The following ACSM3 variants were observed in gnomAD, a reference collection of about 807,000 sequenced individuals.
The protein encoded by ACSM3 is acyl-coenzyme A synthetase ACSM3, mitochondrial.
A neutral mutation model predicts 74.1 loss-of-function variants in ACSM3; 61 were observed. That is an observed-to-expected ratio of 0.82 (90% confidence interval 0.67 to 1.02). The LOEUF (loss-of-function observed/expected upper bound fraction) is 1.02, where lower values mean the gene tolerates loss of function less well. ACSM3 is among the 50% of genes least tolerant of loss of function. ACSM3 has a pLI of 0.00. For synonymous variants in ACSM3, 213 were observed against 241.5 expected (o/e 0.88, Z 1.09); for missense variants, 660 against 697.0 (o/e 0.95, Z 0.60).
intron 1 of ACSM3, among the ~76,000 whole-genome samples, chr16:20,719,863 T>G (rs1271828378): frequency 6.6e-6 from 1 of 152,216 alleles, no homozygotes; most frequent in African/African-American, 2.4e-5. Context: ...CTTCTGGAAA[T>G]CAGACATGCA....
intron 7 of ACSM3, among the ~76,000 whole-genome samples, chr16:20,782,633 G>A (rs769615767): frequency 2.0e-5 from 3 of 152,034 alleles, no homozygotes; most frequent in Non-Finnish European, 4.4e-5. Context: ...TATCCCACAG[G>A]TTAATGACTC....
intron 1 of ACSM3, chr16:20,729,348 T>C (rs940424727): frequency 3.2e-5 from 47 of 1,450,116 alleles, no homozygotes; most frequent in Non-Finnish European, 4.3e-5. Context: ...GATGTCATTA[T>C]TTCCTCTGGG....
At chr16:20,741,740 G>C (rs958926205) in intron 1 of ACSM3, 10 of 1,566,842 alleles carry the variant, frequency 6.4e-6, no homozygotes, top group Non-Finnish European at 8.7e-6. Flanking sequence ...GGGCCGCCAT[G>C]GTGTGCGCAA....
At chr16:20,756,936 G>C (rs1434606969) in intron 3 of ACSM3, among the ~76,000 whole-genome samples, 1 of 152,040 alleles carries the variant, frequency 6.6e-6, no homozygotes, top group Non-Finnish European at 1.5e-5. Context: ...TCAAAGATCA[G>C]ATAGTTGTAC....
rs529889933 is a variant in ACSM3 at position 20,787,049 on chromosome 16, G to C, written c.1224+891G>C. On this transcript the variant is annotated intron_variant, in intron 9 of 13. Transcript: ENST00000289416. ...CACTACTACCACCTGATGCCTAGGG[G>C]GAATTCCAGTTCCCCATCAGCAAGC... Among the ~76,000 whole-genome samples the C allele has an allele frequency of 1.3e-3, 205 of 152,260 alleles. 1 individual carries two copies. The highest frequency in any genetic ancestry group is 4.7e-3 in the African/African-American group (197 of 41,538).
At chr16:20,782,128 T>A (rs2080364959) in intron 7 of ACSM3, among the ~76,000 whole-genome samples, 1 of 152,214 alleles carries the variant, frequency 6.6e-6, no homozygotes, top group African/African-American at 2.4e-5. Context: ...TCCCAGCAGA[T>A]AGAAAAGAGG....
intron 1 of ACSM3, among the ~76,000 whole-genome samples, 168 bp downstream of exon 1, chr16:20,764,293 A>T (rs1172975148): frequency 6.6e-6 from 1 of 152,254 alleles, no homozygotes; most frequent in Non-Finnish European, 1.5e-5. Flanking sequence ...GATACTATCT[A>T]TTAAGTGATG....
At chr16:20,713,663 T>C (rs1052765258) in intron 1 of ACSM3, among the ~76,000 whole-genome samples, 1 of 152,126 alleles carries the variant, frequency 6.6e-6, no homozygotes, top group African/African-American at 2.4e-5. Flanking sequence ...CTAAACAACT[T>C]TGCAATATTC....
rs1239613028 is a variant in ACSM3 at position 20,797,107 on chromosome 16, TATG to T, written c.*138_*140del. Reference sequence around the variant, plus strand: ...CTGTTGATTTAAAATATCTTGTGGTTATGATATCAGAGGCTAAATTTTGAAATA... The same window carrying T: ...CTGTTGATTTAAAATATCTTGTGGTTATATCAGAGGCTAAATTTTGAAATA... On this transcript the variant is annotated 3_prime_UTR_variant, in exon 14 of 14. Coordinates refer to ENST00000289416, the MANE Select transcript of ACSM3 (RefSeq NM_005622.4). 50 of 1,396,794 alleles carry T rather than the reference TATG, an allele frequency of 3.6e-5. No individual in the cohort carries two copies. Among genetic ancestry groups the T allele is most frequent in the Non-Finnish European group, 4.3e-5 (46 of 1,078,284 alleles). The allele number at this position is 1,396,794 out of a possible 1,614,324, so 86.5% of individuals were successfully genotyped here.
At chr16:20,695,892 A>G (rs1278401111) in intron 1 of ACSM3, among the ~76,000 whole-genome samples, 17 of 152,226 alleles carry the variant, frequency 1.1e-4, no homozygotes, top group Non-Finnish European at 5.9e-5. Flanking sequence ...CATTAATATT[A>G]ATGTCTATAA....
At chr16:20,703,540 T>C (rs2079719069) in intron 1 of ACSM3, 1 of 152,162 alleles carries the variant, frequency 6.6e-6, no homozygotes, top group East Asian at 1.9e-4. Flanking sequence ...ATTTTTTTTT[T>C]TGAGACAGTC....
At chr16:20,695,677 T>TGTC (rs1183607941) in intron 1 of ACSM3, among the ~76,000 whole-genome samples, 1 of 139,908 alleles carries the variant, frequency 7.1e-6, no homozygotes, top group African/African-American at 2.7e-5. Context: ...TCTATCTATC[T>TGTC]ATCATCTATC....
intron 7 of ACSM3, chr16:20,784,741 G>T (rs1184023682): frequency 1.9e-5 from 4 of 206,762 alleles, no homozygotes; most frequent in Non-Finnish European, 3.8e-5. Flanking sequence ...ACTAGTATTT[G>T]GGGTATTCTA....
At chr16:20,691,806 T>TGTGTGTGTGTG (rs1596478335) in intron 1 of ACSM3, among the ~76,000 whole-genome samples, 8 of 144,496 alleles carry the variant, frequency 5.5e-5, no homozygotes, top group South Asian at 4.5e-4. Context: ...TGTGTGTGTG[T>TGTGTGTGTGTG]TTCTAAACAG....
At chr16:20,754,471 G>T (rs1421187147) in intron 2 of ACSM3, among the ~76,000 whole-genome samples, 1 of 152,192 alleles carries the variant, frequency 6.6e-6, no homozygotes, top group Non-Finnish European at 1.5e-5. Flanking sequence ...CTGGGCTTTA[G>T]TATATTGTCT....
At chr16:20,685,321 C>A in intron 1 of ACSM3, 1 of 1,614,160 alleles carries the variant, frequency 6.2e-7, no homozygotes, top group Non-Finnish European at 8.5e-7. Context: ...GGTTAGGTCT[C>A]CCATCTCTCT....
chr16:20,759,022 C>G (rs200553108), upstream of ACSM3, among the ~76,000 whole-genome samples: 1 of 152,112 alleles, frequency 6.6e-6, no homozygotes, highest in Admixed American at 6.5e-5. Context: ...TGTTCTTTTA[C>G]ATTTGCTGAA....
intron 1 of ACSM3, among the ~76,000 whole-genome samples, chr16:20,719,953 T>G (rs1421284303): frequency 6.6e-6 from 1 of 152,224 alleles, no homozygotes; most frequent in Non-Finnish European, 1.5e-5. Flanking sequence ...AAAAATGTGA[T>G]TCAGGCCAAT....
At position 20,786,076 on chromosome 16, in the gene ACSM3, A is replaced by C. The variant is rs766038257; in HGVS notation, c.1144-2A>C. On this transcript the variant is annotated splice_acceptor_variant, in intron 8 of 13. Transcript: ENST00000289416. LOFTEE classifies it high-confidence loss of function. ...ATCTTACTTTTTCTTCTTCTTAACT[A>C]GGTGCTAATCTGTGGAAATTTTAAG... 6.5e-7 allele frequency: 1 copy of C among 1,542,412 alleles called. No homozygotes were observed. Among genetic ancestry groups the C allele is most frequent in the East Asian group, 2.3e-5 (1 of 43,258 alleles).
Sources: gnomAD v4.1 joint callset for allele counts (sites outside exome capture counted in the v4.1 genomes callset) on GRCh38, gnomAD v4.1.1 for gene constraint, MANE v1.5 for transcripts, NCBI Gene and HGNC (gene_info 2026-07-23, HGNC 2026-07-21) for gene names.